Variants in NPAS3 observed in about 807,000 individuals in gnomAD.
NPAS3 encodes neuronal PAS domain-containing protein 3.
Under a neutral mutation model 73.1 loss-of-function variants are expected in NPAS3, and 14 were observed. That is an observed-to-expected ratio of 0.19 (90% CI 0.13 to 0.30). The LOEUF is 0.30. Among genes scored for constraint, NPAS3 ranks in the 10% least tolerant of loss-of-function variants. NPAS3 has a pLI of 1.00. For synonymous variants in NPAS3, 620 were observed against 541.5 expected (o/e 1.14, Z -2.01); for missense variants, 1,096 against 1,250.0 (o/e 0.88, Z 1.86).
At chr14:33,178,685 T>A (rs1257234771) in intron 2 of NPAS3, among the ~76,000 whole-genome samples, 1 of 152,180 alleles carries the variant, frequency 6.6e-6, no homozygotes, top group Non-Finnish European at 1.5e-5. Context: ...CCCTGAACTT[T>A]GCTGAATTAA....
intron 3 of NPAS3, among the ~76,000 whole-genome samples, chr14:33,221,823 G>T (rs1359604864): frequency 6.6e-6 from 1 of 152,110 alleles, no homozygotes; most frequent in Non-Finnish European, 1.5e-5. Flanking sequence ...CATCTGACTG[G>T]ATTGCTCTTT....
chr14:33,064,519 T>G (rs2041215976), intron 2 of NPAS3, among the ~76,000 whole-genome samples: 2 of 152,280 alleles, frequency 1.3e-5, no homozygotes, highest in Admixed American at 1.3e-4. Context: ...TCAACTTGTG[T>G]TGAGGGAATA....
chr14:33,410,885 A>C (rs1182597368), intron 4 of NPAS3, among the ~76,000 whole-genome samples: 2 of 152,138 alleles, frequency 1.3e-5, no homozygotes, highest in African/African-American at 2.4e-5. Context: ...ACCTCAGGTG[A>C]TCCACCCACC....
chr14:33,573,779 AAATT>A lies in NPAS3; in HGVS notation c.558+13574_558+13577del, dbSNP rs2056326671. Among the ~76,000 whole-genome samples the A allele has an allele frequency of 2.0e-5, 3 of 152,286 alleles. No homozygotes were observed. The South Asian group carries it at 6.2e-4, about 32-fold the overall frequency. On this transcript the variant is annotated intron_variant, in intron 5 of 11. Coordinates refer to ENST00000356141, the Ensembl canonical transcript of NPAS3. ...TATTAGATTTGTGCTTTAGGGAAAA[AAATT>A]AATTTTGGCTAAAAAGAAATGGAGG...
intron 4 of NPAS3, among the ~76,000 whole-genome samples, chr14:33,479,984 T>C (rs529439293): frequency 1.4e-4 from 22 of 152,286 alleles, no homozygotes; most frequent in African/African-American, 4.8e-4. Context: ...ATAAATGAGA[T>C]TGTTTTCCCC....
At chr14:33,132,409 A>G (rs2043673488) in intron 2 of NPAS3, among the ~76,000 whole-genome samples, 1 of 152,136 alleles carries the variant, frequency 6.6e-6, no homozygotes, top group African/African-American at 2.4e-5. Context: ...ACTTGTAGGA[A>G]GAGACTAGAA....
chr14:33,061,544 C>T (rs565685694), intron 2 of NPAS3, among the ~76,000 whole-genome samples: 1 of 152,284 alleles, frequency 6.6e-6, no homozygotes, highest in African/African-American at 2.4e-5. Context: ...TTTAGCATCA[C>T]ACGAATGCTT....
intron 6 of NPAS3, among the ~76,000 whole-genome samples, chr14:33,719,539 T>C (rs995744206): frequency 6.6e-6 from 1 of 152,216 alleles, no homozygotes; most frequent in African/African-American, 2.4e-5. Flanking sequence ...TAAATACATA[T>C]GCTATATATG....
At chr14:33,338,447 A>G (rs4981187) in intron 3 of NPAS3, among the ~76,000 whole-genome samples, 110,240 of 151,998 alleles carry the variant, frequency 0.73, 40,109 homozygotes, top group Admixed American at 0.79. Flanking sequence ...TTGGTATACT[A>G]TCATAACTTG....
chr14:33,750,570 T>C (rs1429178609), intron 7 of NPAS3, among the ~76,000 whole-genome samples: 1 of 147,362 alleles, frequency 6.8e-6, no homozygotes, highest in Non-Finnish European at 1.5e-5. Flanking sequence ...CTTTCTCAGT[T>C]TGTAATAACC....
chr14:33,307,612 T>TG (rs9322923), intron 3 of NPAS3, among the ~76,000 whole-genome samples: 13,248 of 149,632 alleles, frequency 0.089, 1,237 homozygotes, highest in East Asian at 0.32. Flanking sequence ...TGTGTGTGTG[T>TG]TCGTGTGCGT....
intron 5 of NPAS3, among the ~76,000 whole-genome samples, chr14:33,657,021 G>A (rs1426380192): frequency 1.3e-5 from 2 of 152,154 alleles, no homozygotes; most frequent in Non-Finnish European, 2.9e-5. Flanking sequence ...ACACACAGAG[G>A]AATATTATTT....
chr14:33,226,066 A>T (rs918957255), intron 3 of NPAS3, among the ~76,000 whole-genome samples: 1 of 152,208 alleles, frequency 6.6e-6, no homozygotes, highest in Non-Finnish European at 1.5e-5. Flanking sequence ...CCATAGATGT[A>T]TATGCATTGT....
intron 1 of NPAS3, among the ~76,000 whole-genome samples, chr14:33,005,793 G>A (rs1416774806): frequency 2.6e-5 from 4 of 152,256 alleles, no homozygotes; most frequent in Non-Finnish European, 5.9e-5. Flanking sequence ...CGGCTTTCAT[G>A]ATAGCACTTG....
chr14:33,543,821 CA>C (rs1395159649), intron 4 of NPAS3, among the ~76,000 whole-genome samples: 1 of 151,822 alleles, frequency 6.6e-6, no homozygotes. Context: ...ATCAAAAACT[CA>C]AGAATCTCTG....
At chr14:33,017,283 G>A (rs1291388727) in intron 1 of NPAS3, among the ~76,000 whole-genome samples, 1 of 152,164 alleles carries the variant, frequency 6.6e-6, no homozygotes, top group Non-Finnish European at 1.5e-5. Context: ...GTAGTCATTA[G>A]ATGCCAGCCA....
chr14:33,577,558 C>T (rs2056486947), intron 5 of NPAS3, among the ~76,000 whole-genome samples: 1 of 152,078 alleles, frequency 6.6e-6, no homozygotes, highest in Admixed American at 6.5e-5. Context: ...ACAGAGAGAA[C>T]CAGGAAGTGG....
At chr14:33,231,018 C>G (rs2047831528) in intron 3 of NPAS3, among the ~76,000 whole-genome samples, 1 of 152,180 alleles carries the variant, frequency 6.6e-6, no homozygotes, top group South Asian at 2.1e-4. Context: ...ATTCAGGTGA[C>G]CTGCTAGATC....
chr14:33,620,699 A>G (rs576949848), intron 5 of NPAS3, among the ~76,000 whole-genome samples: 2 of 152,310 alleles, frequency 1.3e-5, no homozygotes, highest in East Asian at 1.9e-4. Flanking sequence ...CACCAAATAT[A>G]TGTTTTATGC....
Sources: gnomAD v4.1 joint callset for allele counts (sites outside exome capture counted in the v4.1 genomes callset) on GRCh38, gnomAD v4.1.1 for gene constraint, MANE v1.5 for transcripts, NCBI Gene and HGNC (gene_info 2026-07-23, HGNC 2026-07-21) for gene names.